Variants in PLXDC2 observed in about 807,000 individuals in gnomAD.
The protein encoded by PLXDC2 is plexin domain containing 2, also known as plexin domain-containing protein 2.
In PLXDC2, 40 loss-of-function variants were observed where a neutral mutation model predicts 68.9. That is an observed-to-expected ratio of 0.58 (90% confidence interval 0.45 to 0.76). The LOEUF (loss-of-function observed/expected upper bound fraction) is 0.76. PLXDC2 is among the 30% of genes least tolerant of loss of function. The probability of loss-of-function intolerance (pLI) is 0.00; values close to 1 mark genes in which losing one functional copy is unlikely to be tolerated. For missense variants in PLXDC2, 644 were observed against 661.9 expected (o/e 0.97, Z 0.30); for synonymous variants, 243 against 234.2 (o/e 1.04, Z -0.34).
At chr10:19,897,587 G>A (rs959981244) in intron 1 of PLXDC2, among the ~76,000 whole-genome samples, 1 of 152,152 alleles carries the variant, frequency 6.6e-6, no homozygotes, top group Non-Finnish European at 1.5e-5. Context: ...AAGCAGTTTA[G>A]GGAACAGAAA....
intron 2 of PLXDC2, among the ~76,000 whole-genome samples, chr10:20,019,070 A>G (rs1214603941): frequency 6.6e-6 from 1 of 152,240 alleles, no homozygotes; most frequent in Non-Finnish European, 1.5e-5. Context: ...CCTTTAGCCC[A>G]GGAGTTCAAG....
intron 9 of PLXDC2, among the ~76,000 whole-genome samples, chr10:20,189,034 A>ATGTT (rs1248429999): frequency 2.6e-5 from 2 of 75,994 alleles, no homozygotes; most frequent in Non-Finnish European, 4.7e-5. Context: ...TTTAATGAAG[A>ATGTT]ATCTTCGCTT....
chr10:20,031,035 A>T (rs1031912498), intron 2 of PLXDC2, among the ~76,000 whole-genome samples: 2 of 152,168 alleles, frequency 1.3e-5, no homozygotes, highest in African/African-American at 4.8e-5. Flanking sequence ...TGACATACCA[A>T]CTGATTGCAG....
rs763280266 is a variant in PLXDC2, at chr10:20,147,763, CT to C, written c.665-15del. On this transcript the variant is annotated intron_variant, in intron 5 of 13. Transcript: ENST00000377252. ...GTATGTTTTTCTCATTGCATTTCTT[CT>C]TTTTTCAATGGGTGTATAGGCACAG... 18 of 1,435,276 alleles carry C rather than the reference CT, an allele frequency of 1.3e-5. No individual in the cohort carries two copies. In the Admixed American group the frequency reaches 2.5e-4, roughly 20 times the overall value. 88.9% of individuals were successfully genotyped at this position (1,435,276 alleles called of 1,614,324 possible). A position where few individuals can be genotyped will look rare whatever the true frequency, so the allele number is the denominator to read the frequency against.
intron 1 of PLXDC2, among the ~76,000 whole-genome samples, chr10:19,832,035 C>T (rs1836703041): frequency 6.6e-6 from 1 of 152,148 alleles, no homozygotes; most frequent in Non-Finnish European, 1.5e-5. Flanking sequence ...AAATAAGAGG[C>T]AAAAACCCAT....
chr10:19,843,410 A>G (rs1185864676), intron 1 of PLXDC2, among the ~76,000 whole-genome samples: 1 of 152,162 alleles, frequency 6.6e-6, no homozygotes. Context: ...TTATCGTAGG[A>G]TTCCTCCATA....
intron 2 of PLXDC2, among the ~76,000 whole-genome samples, chr10:20,016,444 A>G (rs1253181292): frequency 3.9e-5 from 6 of 152,364 alleles, no homozygotes; most frequent in African/African-American, 1.4e-4. Context: ...TAAAATGAAT[A>G]GTGAAGTAGA....
chr10:20,021,232 CAT>C (rs1835303034), intron 2 of PLXDC2, among the ~76,000 whole-genome samples: 3 of 151,956 alleles, frequency 2.0e-5, no homozygotes, highest in African/African-American at 7.2e-5. Context: ...TGTTTTAGCA[CAT>C]AGTTACTTCC....
At chr10:20,126,807 G>GTATATAGAACACACGTTATATAT (rs1833796220) in intron 4 of PLXDC2, among the ~76,000 whole-genome samples, 1 of 142,034 alleles carries the variant, frequency 7.0e-6, no homozygotes, top group Non-Finnish European at 1.5e-5. Context: ...CGTTATATAT[G>GTATATAGAACACACGTTATATAT]TATATATAAC....
At chr10:19,972,765 A>G (rs929778918) in intron 1 of PLXDC2, among the ~76,000 whole-genome samples, 5 of 152,158 alleles carry the variant, frequency 3.3e-5, no homozygotes, top group African/African-American at 1.2e-4. Flanking sequence ...AAAAGCCTAA[A>G]CTTTTATGTA....
intron 2 of PLXDC2, among the ~76,000 whole-genome samples, chr10:20,035,192 A>G (rs1024509307): frequency 2.0e-5 from 3 of 152,156 alleles, no homozygotes; most frequent in African/African-American, 7.2e-5. Flanking sequence ...GGGGTAATGT[A>G]GTATTAGATT....
chr10:19,911,570 T>C (rs573697577), intron 1 of PLXDC2, among the ~76,000 whole-genome samples: 2 of 152,286 alleles, frequency 1.3e-5, no homozygotes, highest in African/African-American at 4.8e-5. Context: ...GCTAGGCTTA[T>C]GGATTCACAG....
chr10:20,208,556 G>A (rs1312276762), intron 9 of PLXDC2, among the ~76,000 whole-genome samples: 1 of 152,014 alleles, frequency 6.6e-6, no homozygotes, highest in African/African-American at 2.4e-5. Flanking sequence ...TAACATTCAG[G>A]GGCAATGTAT....
chr10:20,144,384 C>T (rs1834046025), intron 5 of PLXDC2, among the ~76,000 whole-genome samples: 2 of 152,096 alleles, frequency 1.3e-5, no homozygotes, highest in Admixed American at 1.3e-4. Flanking sequence ...AGAGCCATCT[C>T]CTGACCAGTG....
chr10:20,238,700 T>TATATATGTATATATATATATATACACAC (rs1835473555), intron 12 of PLXDC2, among the ~76,000 whole-genome samples: 3 of 55,818 alleles, frequency 5.4e-5, no homozygotes, highest in Non-Finnish European at 1.5e-4. Flanking sequence ...TATACACACA[T>TATATATGTATATATATATATATACACAC]ATATATGTGT....
intron 1 of PLXDC2, among the ~76,000 whole-genome samples, chr10:19,925,549 T>C (rs904925905): frequency 6.6e-6 from 1 of 152,260 alleles, no homozygotes; most frequent in Non-Finnish European, 1.5e-5. Context: ...TTGAATCACT[T>C]TCTCAAGAAT....
intron 9 of PLXDC2, 88 bp downstream of exon 9, chr10:20,177,497 G>A (rs1168941598): frequency 1.7e-6 from 1 of 586,206 alleles, no homozygotes; most frequent in Non-Finnish European, 2.4e-6. Context: ...GACAGGTGCA[G>A]TGGCTCACAC....
chr10:20,122,526 T>C (rs1833713130), intron 4 of PLXDC2, among the ~76,000 whole-genome samples: 1 of 152,174 alleles, frequency 6.6e-6, no homozygotes. Flanking sequence ...GACAGTCCGA[T>C]TTCCAGTGGA....
At chr10:19,884,370 T>C (rs1837799845) in intron 1 of PLXDC2, among the ~76,000 whole-genome samples, 1 of 152,218 alleles carries the variant, frequency 6.6e-6, no homozygotes. Flanking sequence ...TTTTTTATAA[T>C]ACTTTGAGTT....
Sources: gnomAD v4.1 joint callset for allele counts (sites outside exome capture counted in the v4.1 genomes callset) on GRCh38, gnomAD v4.1.1 for gene constraint, MANE v1.5 for transcripts, NCBI Gene and HGNC (gene_info 2026-07-23, HGNC 2026-07-21) for gene names.